Variants in PTPRN2 observed in about 807,000 individuals in gnomAD.
The protein encoded by PTPRN2 is receptor-type tyrosine-protein phosphatase N2.
In PTPRN2, 74 loss-of-function variants were observed where a neutral mutation model predicts 118.8. That is an observed-to-expected ratio of 0.62 (90% CI 0.52 to 0.76). The LOEUF is 0.76. Ranked by LOEUF, PTPRN2 falls within the 30% of genes least tolerant of loss-of-function variation. The pLI is 0.00. For synonymous variants in PTPRN2, 641 were observed against 608.0 expected, an observed-to-expected ratio of 1.05 and a Z score of -0.80; for missense variants, 1,481 against 1,394.4, an observed-to-expected ratio of 1.06 and a Z score of -0.99.
chr7:158,143,388 G>T (rs905240718), intron 6 of PTPRN2, among the ~76,000 whole-genome samples: 5 of 152,210 alleles, frequency 3.3e-5, no homozygotes, highest in Admixed American at 1.3e-4. Flanking sequence ...AGGGCCCTCG[G>T]CATTGGGCAT....
At chr7:158,216,955 T>C (rs1432730168) in intron 3 of PTPRN2, among the ~76,000 whole-genome samples, 2 of 152,146 alleles carry the variant, frequency 1.3e-5, no homozygotes, top group African/African-American at 4.8e-5. Flanking sequence ...TGGGGAAATA[T>C]AACAACATGT....
chr7:157,558,268 C>T (rs757494760), intron 21 of PTPRN2, among the ~76,000 whole-genome samples: 8 of 152,072 alleles, frequency 5.3e-5, no homozygotes, highest in South Asian at 2.1e-4. Context: ...GCAAACGCAG[C>T]GTCTGTGCTG....
At chr7:158,070,840 ATGGTGGTATGGAGGTGCCCG>A (rs1811304545) in intron 11 of PTPRN2, among the ~76,000 whole-genome samples, 1 of 60,716 alleles carries the variant, frequency 1.6e-5, no homozygotes, top group African/African-American at 8.5e-5. Flanking sequence ...GGAGGTGCCC[ATGGTGGTATGGAGGTGCCCG>A]TGGTGGTGGT....
At chr7:158,521,296 C>T (rs546774435) in intron 1 of PTPRN2, among the ~76,000 whole-genome samples, 32 of 152,282 alleles carry the variant, frequency 2.1e-4, no homozygotes, top group South Asian at 1.0e-3. Context: ...TCTAGACCAA[C>T]GCACAGGACT....
chr7:157,921,598 AGTGGGCTGCC>A (rs1798694761), intron 11 of PTPRN2, among the ~76,000 whole-genome samples: 1 of 152,184 alleles, frequency 6.6e-6, no homozygotes, highest in Non-Finnish European at 1.5e-5. Flanking sequence ...TTCTTGTGGG[AGTGGGCTGCC>A]GCAGGCAGGG....
chr7:158,268,081 G>T (rs777768904), intron 3 of PTPRN2, among the ~76,000 whole-genome samples: 9 of 152,210 alleles, frequency 5.9e-5, no homozygotes, highest in Non-Finnish European at 1.3e-4. Context: ...CAAGGCACGA[G>T]ATCCTCAGCA....
chr7:157,890,420 T>C (rs1796731064), intron 12 of PTPRN2, among the ~76,000 whole-genome samples: 1 of 152,148 alleles, frequency 6.6e-6, no homozygotes, highest in Non-Finnish European at 1.5e-5. Flanking sequence ...GGCAGGCGGA[T>C]CATGAGGTCA....
chr7:158,147,370 C>A (rs1820217737), intron 6 of PTPRN2, among the ~76,000 whole-genome samples: 1 of 62,136 alleles, frequency 1.6e-5, no homozygotes, highest in Non-Finnish European at 2.9e-5. Context: ...CTTTCCCCCT[C>A]AATGACACCC....
chr7:158,473,251 G>T (rs1819998590), intron 2 of PTPRN2, among the ~76,000 whole-genome samples: 1 of 152,162 alleles, frequency 6.6e-6, no homozygotes, highest in South Asian at 2.1e-4. Flanking sequence ...GGATTTGGCA[G>T]ATTTCTCTAA....
chr7:157,585,621 G>A lies in PTPRN2; in HGVS notation c.2497-7481C>T, dbSNP rs968624169. On this transcript the variant is annotated intron_variant, in intron 17 of 22. Coordinates refer to ENST00000389418, the MANE Select transcript of PTPRN2 (RefSeq NM_002847.5). The surrounding 1 kb of genome is among the most constrained non-coding windows in gnomAD (Gnocchi z 5.2). ...GGCCTCTGCCTGTGCTCACGTTCCC[G>A]GTTAAATATGCGCCTGGTCTCCTTG... 2.0e-5 allele frequency among the ~76,000 whole-genome samples: 3 copies of A among 152,220 alleles called. No individual in the cohort carries two copies. The highest frequency in any genetic ancestry group is 2.9e-5 in the Non-Finnish European group (2 of 68,044).
intron 3 of PTPRN2, among the ~76,000 whole-genome samples, chr7:158,308,797 CT>C (rs1215087550): frequency 6.6e-6 from 1 of 152,082 alleles, no homozygotes; most frequent in Non-Finnish European, 1.5e-5. Flanking sequence ...GACATTATTA[CT>C]GATCTTACAG....
intron 11 of PTPRN2, among the ~76,000 whole-genome samples, chr7:158,075,952 G>A (rs1356729111): frequency 1.3e-5 from 2 of 152,238 alleles, no homozygotes; most frequent in Non-Finnish European, 2.9e-5. Flanking sequence ...CACACCTCCA[G>A]TCTCACTGCT....
At chr7:158,227,166 T>G (rs1353507254) in intron 3 of PTPRN2, among the ~76,000 whole-genome samples, 1 of 151,806 alleles carries the variant, frequency 6.6e-6, no homozygotes, top group Non-Finnish European at 1.5e-5. Flanking sequence ...CAGTAGAAAA[T>G]CTGTCAAAGT....
At chr7:158,170,998 C>CAT (rs965206836) in intron 5 of PTPRN2, among the ~76,000 whole-genome samples, 27 of 147,674 alleles carry the variant, frequency 1.8e-4, no homozygotes, top group Admixed American at 7.5e-4. Context: ...TATACACATA[C>CAT]ATATATATAT....
intron 11 of PTPRN2, among the ~76,000 whole-genome samples, chr7:157,923,478 T>C (rs9654709): frequency 0.15 from 22,298 of 152,224 alleles, 1,951 homozygotes; most frequent in Non-Finnish European, 0.19. Context: ...CTACATCACA[T>C]TGAGTTGGAA....
At chr7:158,168,867 C>A (rs1823268278) in intron 5 of PTPRN2, among the ~76,000 whole-genome samples, 1 of 152,176 alleles carries the variant, frequency 6.6e-6, no homozygotes, top group African/African-American at 2.4e-5. Context: ...CCACATTGTA[C>A]CTCTGACTTG....
intron 21 of PTPRN2, among the ~76,000 whole-genome samples, chr7:157,556,822 G>GCA (rs139921885): frequency 0.96 from 144,500 of 151,242 alleles, 69,125 homozygotes; most frequent in Middle Eastern, 1. Flanking sequence ...TCATACATAT[G>GCA]CACACACAAA....
rs1169582086 is a variant in PTPRN2 at position 158,565,560 on chromosome 7, C to T, written c.112+21998G>A. 6.6e-6 allele frequency among the ~76,000 whole-genome samples: 1 copy of T among 152,210 alleles called. No individual in the cohort carries two copies. Among genetic ancestry groups the T allele is most frequent in the Non-Finnish European group, 1.5e-5 (1 of 68,038 alleles). On this transcript the variant is annotated intron_variant, in intron 1 of 22. Coordinates refer to ENST00000389418, the MANE Select transcript of PTPRN2 (RefSeq NM_002847.5). This position sits in a 1 kb window ranked among gnomAD's most constrained non-coding sequence, Gnocchi z 4.6. ...GAGAAATCTTAACTCGGACGGCAAA[C>T]TTCCCGTCTGGGATCTGCAGGCTTC...
intron 14 of PTPRN2, among the ~76,000 whole-genome samples, chr7:157,646,495 C>G (rs894201257): frequency 3.3e-5 from 5 of 152,170 alleles, no homozygotes; most frequent in African/African-American, 1.2e-4. Flanking sequence ...CCAATTCAAC[C>G]TCTTTTCTTT....
Sources: allele counts gnomAD v4.1 joint callset (sites outside exome capture counted in the v4.1 genomes callset), GRCh38; gene constraint gnomAD v4.1.1; non-coding constraint Gnocchi (gnomAD v3.1); transcripts MANE v1.5; gene names NCBI Gene and HGNC (gene_info 2026-07-23, HGNC 2026-07-21).